The following TRIT1 variants were observed in gnomAD, a reference collection of about 807,000 sequenced individuals.
TRIT1 encodes the protein tRNA isopentenyltransferase 1.
A neutral mutation model predicts 51.2 loss-of-function variants in TRIT1; 43 were observed. The ratio of observed to expected loss-of-function variants is 0.84; its 90% CI spans 0.66 to 1.08. The LOEUF is 1.08. Ranked by LOEUF, TRIT1 falls within the 50% of genes least tolerant of loss-of-function variation. The pLI is 0.00. For missense variants in TRIT1, 528 were observed against 578.4 expected, an observed-to-expected ratio of 0.91 and a Z score of 0.89; for synonymous variants, 184 against 203.9, an observed-to-expected ratio of 0.90 and a Z score of 0.83.
chr1:39,877,146 G>C (rs946119620), intron 1 of TRIT1, among the ~76,000 whole-genome samples: 3 of 149,382 alleles, frequency 2.0e-5, no homozygotes, highest in Non-Finnish European at 4.4e-5. Context: ...TATCTCCCTT[G>C]ATCAGACAGT....
intron 1 of TRIT1, among the ~76,000 whole-genome samples, chr1:39,859,260 CAAAAAAAAAAAAAAAAAAAA>C (rs3033562): frequency 4.8e-3 from 92 of 19,032 alleles, no homozygotes; most frequent in African/African-American, 0.015. Context: ...GACTCCGTCT[CAAAAAAAAAAAAAAAAAAAA>C]AAAAAAAAAA....
At chr1:39,858,991 G>A (rs1643061010) in intron 1 of TRIT1, among the ~76,000 whole-genome samples, 1 of 152,096 alleles carries the variant, frequency 6.6e-6, no homozygotes, top group African/African-American at 2.4e-5. Context: ...AGTGGTTCAT[G>A]CCGGTAATCC....
chr1:39,854,193 G>A (rs147094594), intron 2 of TRIT1, 125 bp from the exon 3 acceptor site: 49 of 646,670 alleles, frequency 7.6e-5, no homozygotes, highest in African/African-American at 4.2e-4. Flanking sequence ...ACCAAAATGC[G>A]TTGATACCAG....
intron 1 of TRIT1, among the ~76,000 whole-genome samples, chr1:39,860,723 G>A (rs1327415778): frequency 6.6e-6 from 1 of 152,194 alleles, no homozygotes; most frequent in Non-Finnish European, 1.5e-5. Flanking sequence ...GGATATATGG[G>A]TAGTTCATTT....
At chr1:39,854,738 T>A (rs1448180853) in intron 2 of TRIT1, among the ~76,000 whole-genome samples, 1 of 152,230 alleles carries the variant, frequency 6.6e-6, no homozygotes, top group Non-Finnish European at 1.5e-5. Flanking sequence ...GCACTCAATT[T>A]ACTATAGCCA....
At chr1:39,880,996 T>A (rs1197800495) in intron 1 of TRIT1, among the ~76,000 whole-genome samples, 1 of 151,760 alleles carries the variant, frequency 6.6e-6, no homozygotes, top group Admixed American at 6.6e-5. Flanking sequence ...AGCGGGTGGA[T>A]CACCTGAGGT....
At chr1:39,867,346 T>C (rs946640022) in intron 1 of TRIT1, among the ~76,000 whole-genome samples, 4 of 152,190 alleles carry the variant, frequency 2.6e-5, no homozygotes, top group African/African-American at 4.8e-5. Flanking sequence ...GGTTTCTCCA[T>C]GTTGGTCAGG....
chr1:39,871,190 T>C (rs956308781), intron 1 of TRIT1, among the ~76,000 whole-genome samples: 1 of 145,204 alleles, frequency 6.9e-6, no homozygotes, highest in African/African-American at 2.6e-5. Context: ...AGAAACTCCG[T>C]CTCATAAAAA....
intron 5 of TRIT1, among the ~76,000 whole-genome samples, chr1:39,849,896 T>C (rs1642458391): frequency 6.6e-6 from 1 of 152,216 alleles, no homozygotes; most frequent in Admixed American, 6.5e-5. Context: ...CTGTGATGTC[T>C]TCTCCTAATG....
At chr1:39,865,283 G>T (rs1310973184) in intron 1 of TRIT1, among the ~76,000 whole-genome samples, 1 of 152,106 alleles carries the variant, frequency 6.6e-6, no homozygotes, top group Non-Finnish European at 1.5e-5. Flanking sequence ...CTTTACTGAG[G>T]CCAGCCACTG....
In TRIT1 at chr1:39,847,224, C is replaced by T; in HGVS notation, c.1002G>A (p.Leu334=). The change falls in exon 8 of 11, where the codon TTG becomes TTA. Residue 334 remains leucine, a synonymous_variant. Coordinates refer to ENST00000316891, the MANE Select transcript of TRIT1 (RefSeq NM_017646.6). ...AAAGAAAAACATGAGACTTACTGCTCAAAAAACGGTTTTTAACCCATCGGT... is the reference window on the plus strand; with the variant it reads ...AAAGAAAAACATGAGACTTACTGCTTAAAAAACGGTTTTTAACCCATCGGT... ...KQNRWVKNRF[L]SRPGPIVPPV... is the part of the protein sequence containing the mutation. The T allele has an allele frequency of 6.2e-7, 1 of 1,613,966 alleles. No homozygotes were observed. Among genetic ancestry groups the T allele is most frequent in the Non-Finnish European group, 8.5e-7 (1 of 1,179,934 alleles).
chr1:39,883,261 G>A, intron 1 of TRIT1, 57 bp downstream of exon 1: 1 of 1,547,260 alleles, frequency 6.5e-7, no homozygotes, highest in African/African-American at 1.4e-5. Flanking sequence ...CTTTGCCACA[G>A]GGTGTCCACG....
At chr1:39,843,729 C>T (rs1642057510) in intron 10 of TRIT1, among the ~76,000 whole-genome samples, 1 of 152,290 alleles carries the variant, frequency 6.6e-6, no homozygotes, top group African/African-American at 2.4e-5. Flanking sequence ...CCTGGATGAG[C>T]TGCCTGGCTT....
chr1:39,868,644 CA>C (rs60152365), intron 1 of TRIT1, among the ~76,000 whole-genome samples: 1,412 of 89,798 alleles, frequency 0.016, 24 homozygotes, highest in African/African-American at 0.04. Context: ...AACTTCCTCT[CA>C]AAAAAAAAAA....
intron 1 of TRIT1, among the ~76,000 whole-genome samples, chr1:39,870,969 G>A (rs560350493): frequency 3.3e-5 from 5 of 152,282 alleles, no homozygotes; most frequent in Admixed American, 6.5e-5. Context: ...TGAGGAGGGC[G>A]GATCACCTGA....
rs778360808 is a variant in TRIT1, at chr1:39,844,530, C to G, written c.1116+1G>C. 1 of 1,610,258 alleles carries G rather than the reference C, an allele frequency of 6.2e-7. No homozygotes were observed. The highest frequency in any genetic ancestry group is 1.1e-5 in the South Asian group (1 of 90,998). On this transcript the variant is annotated splice_donor_variant, in intron 9 of 10. Coordinates refer to ENST00000316891, the MANE Select transcript of TRIT1 (RefSeq NM_017646.6). LOFTEE classifies it high-confidence loss of function. Reference sequence around the variant, plus strand: ...TAGAATGTATCATGATTCATAATTACCTGGATGAAACTTTGCACGATTTCA... The same window carrying G: ...TAGAATGTATCATGATTCATAATTAGCTGGATGAAACTTTGCACGATTTCA...
intron 8 of TRIT1, among the ~76,000 whole-genome samples, chr1:39,846,483 C>CTA (rs1207779066): frequency 6.6e-6 from 1 of 152,188 alleles, no homozygotes; most frequent in Admixed American, 6.5e-5. Context: ...TGCTGTCTTG[C>CTA]TAAAGTTACA....
chr1:39,871,061 C>T (rs925741889), intron 1 of TRIT1, among the ~76,000 whole-genome samples: 1 of 152,082 alleles, frequency 6.6e-6, no homozygotes, highest in South Asian at 2.1e-4. Flanking sequence ...GGCGTGGTCG[C>T]ACATGCCTGT....
chr1:39,848,196 G>T (rs1642349628), intron 5 of TRIT1, 99 bp from the exon 6 acceptor site: 1 of 811,558 alleles, frequency 1.2e-6, no homozygotes, highest in African/African-American at 1.7e-5. Flanking sequence ...AAGAGAATTT[G>T]TCCAAACGGA....
Sources: allele counts gnomAD v4.1 joint callset (sites outside exome capture counted in the v4.1 genomes callset), GRCh38; gene constraint gnomAD v4.1.1; transcripts MANE v1.5; gene names NCBI Gene and HGNC (gene_info 2026-07-23, HGNC 2026-07-21).